Variants in EDARADD observed in about 807,000 individuals in gnomAD.
EDARADD encodes EDAR associated via death domain, also known as ectodysplasin-A receptor-associated adapter protein.
A neutral mutation model predicts 25.6 loss-of-function variants in EDARADD; 20 were observed. The observed-to-expected ratio is 0.78, with a 90% confidence interval of 0.55 to 1.14. The LOEUF (loss-of-function observed/expected upper bound fraction) is 1.14. Ranked by LOEUF, EDARADD falls within the 50% of genes most tolerant of loss-of-function variation. The pLI is 0.00. For synonymous variants in EDARADD, 86 were observed against 94.4 expected (o/e 0.91, Z 0.52); for missense variants, 225 against 270.1 (o/e 0.83, Z 1.17).
At chr1:236,443,754 TTTAGAATAGTACATAAAC>T (rs1426243277) in intron 4 of EDARADD, among the ~76,000 whole-genome samples, 7 of 152,134 alleles carry the variant, frequency 4.6e-5, no homozygotes, top group Non-Finnish European at 1.0e-4. Flanking sequence ...AGTACATAAA[TTTAGAATAGTACATAAAC>T]TTAGAATAGT....
At chr1:236,371,736 A>T (rs979206228) in intron 3 of EDARADD, among the ~76,000 whole-genome samples, 2 of 150,670 alleles carry the variant, frequency 1.3e-5, no homozygotes, top group Admixed American at 6.6e-5. Context: ...TGCCCAGCTA[A>T]TTTTTTTGTA....
intron 2 of EDARADD, among the ~76,000 whole-genome samples, chr1:236,413,546 GA>G (rs1657557393): frequency 6.6e-6 from 1 of 152,154 alleles, no homozygotes. Context: ...ACAGGGTTGG[GA>G]AATTAGGCTC....
rs555016161 is a variant in EDARADD at position 236,461,402 on chromosome 1, A to G, written c.220-6829A>G. On this transcript the variant is annotated intron_variant, in intron 4 of 5. Coordinates refer to ENST00000334232, the MANE Select transcript of EDARADD (RefSeq NM_145861.4). Reference sequence around the variant, plus strand: ...GTTTTCCCAGCACCATTTATTGAAGAGACTGTCTTTTTCACCAGTGTATGC... The same window carrying G: ...GTTTTCCCAGCACCATTTATTGAAGGGACTGTCTTTTTCACCAGTGTATGC... Among the ~76,000 whole-genome samples, 10 of 152,248 alleles carry G rather than the reference A, an allele frequency of 6.6e-5. No homozygotes were observed. In the South Asian group the frequency reaches 2.1e-3, roughly 32 times the overall value.
intron 4 of EDARADD, among the ~76,000 whole-genome samples, chr1:236,449,337 A>T (rs1658646953): frequency 6.6e-6 from 1 of 152,218 alleles, no homozygotes; most frequent in African/African-American, 2.4e-5. Flanking sequence ...TTTGCAGGGG[A>T]CACAATTCAG....
rs6676404 is a variant in EDARADD, at chr1:236,456,930, G to A, written c.220-11301G>A. ...CAATGGGACCTGCCTTGCCAAGCCCGGGGCTTAGGTGAACCAGGACCACCT... is the reference window on the plus strand; with the variant it reads ...CAATGGGACCTGCCTTGCCAAGCCCAGGGCTTAGGTGAACCAGGACCACCT... On this transcript the variant is annotated intron_variant, in intron 4 of 5. Coordinates refer to ENST00000334232, the MANE Select transcript of EDARADD (RefSeq NM_145861.4). Among the ~76,000 whole-genome samples the A allele has an allele frequency of 1.7e-4, 26 of 151,830 alleles. No individual in the cohort carries two copies. In the East Asian group the frequency reaches 2.1e-3, roughly 12 times the overall value.
At chr1:236,466,032 G>T (rs986618767) in intron 4 of EDARADD, among the ~76,000 whole-genome samples, 3 of 152,156 alleles carry the variant, frequency 2.0e-5, no homozygotes, top group Admixed American at 2.0e-4. Context: ...AAGTAACATA[G>T]TTTCTACTTA....
intron 2 of EDARADD, among the ~76,000 whole-genome samples, chr1:236,411,505 T>A (rs1657479783): frequency 7.0e-6 from 1 of 142,808 alleles, no homozygotes; most frequent in Non-Finnish European, 1.6e-5. Context: ...CTTCTCCTTC[T>A]CCCTCTCCTT....
At position 236,395,690 on chromosome 1, in the gene EDARADD, T is replaced by C; in HGVS notation, c.61+1185T>C. 6.4e-7 allele frequency: 1 copy of C among 1,550,956 alleles called. No homozygotes were observed. Among genetic ancestry groups the C allele is most frequent in the Non-Finnish European group, 8.7e-7 (1 of 1,152,876 alleles). Reference sequence around the variant, plus strand: ...AGGGACACAGCGCCGCGCCCGCTCCTGGAGCGAGCACCGCGGGGCGGGAGC... The same window carrying C: ...AGGGACACAGCGCCGCGCCCGCTCCCGGAGCGAGCACCGCGGGGCGGGAGC... On this transcript the variant is annotated intron_variant, in intron 1 of 5. Coordinates refer to ENST00000334232, the MANE Select transcript of EDARADD (RefSeq NM_145861.4). The surrounding 1 kb of genome is among the most constrained non-coding windows in gnomAD (Gnocchi z 6.9).
intron 4 of EDARADD, among the ~76,000 whole-genome samples, chr1:236,446,536 A>G (rs1056350200): frequency 7.1e-6 from 1 of 140,920 alleles, no homozygotes; most frequent in African/African-American, 2.7e-5. Flanking sequence ...TGGGTGACAG[A>G]GCAACACTCC....
Position 236,479,656 on chromosome 1 carries a change from A to G in EDARADD, c.266-2611A>G, listed in dbSNP as rs77512235. ...TCCATGCTCCCCATGCTCTCTTCCT[A>G]TTTTATTTTCCATGACTGCCTCGGT... On this transcript the variant is annotated intron_variant, in intron 5 of 5. Coordinates refer to ENST00000334232, the MANE Select transcript of EDARADD (RefSeq NM_145861.4). Among the ~76,000 whole-genome samples the G allele has an allele frequency of 5.6e-3, 854 of 151,518 alleles. 7 individuals carry two copies. Among genetic ancestry groups the G allele is most frequent in the Non-Finnish European group, 8.7e-3 (589 of 67,924 alleles).
Position 236,458,372 on chromosome 1 carries a change from T to C in EDARADD, c.220-9859T>C, listed in dbSNP as rs187724704. On this transcript the variant is annotated intron_variant, in intron 4 of 5. Coordinates refer to ENST00000334232, the MANE Select transcript of EDARADD (RefSeq NM_145861.4). Reference sequence around the variant, plus strand: ...CTGGCCTTAAAAAACTTATCTGATGTATTGTTAAACAGATAAAGCAAGTTG... The same window carrying C: ...CTGGCCTTAAAAAACTTATCTGATGCATTGTTAAACAGATAAAGCAAGTTG... Among the ~76,000 whole-genome samples the C allele has an allele frequency of 2.6e-5, 4 of 152,270 alleles. No individual in the cohort carries two copies. The East Asian group carries it at 7.7e-4, about 29-fold the overall frequency.
chr1:236,416,707 A>G (rs1657648286), intron 3 of EDARADD, among the ~76,000 whole-genome samples: 1 of 152,182 alleles, frequency 6.6e-6, no homozygotes, highest in Non-Finnish European at 1.5e-5. Flanking sequence ...TGAATACATC[A>G]TTTTATATGT....
At chr1:236,429,193 AGGGAGC>A (rs1553267463) in intron 4 of EDARADD, among the ~76,000 whole-genome samples, 28 of 143,640 alleles carry the variant, frequency 1.9e-4, no homozygotes, top group African/African-American at 5.5e-4. Flanking sequence ...GCAGAGGGAG[AGGGAGC>A]GGGAGCGGGA....
chr1:236,425,232 G>A (rs955257756), intron 3 of EDARADD, among the ~76,000 whole-genome samples: 3 of 152,342 alleles, frequency 2.0e-5, no homozygotes, highest in East Asian at 3.9e-4. Context: ...GCTCTGTGCC[G>A]AGAGAGCAGT....
intron 3 of EDARADD, among the ~76,000 whole-genome samples, chr1:236,357,608 G>T (rs1416318554): frequency 6.6e-6 from 1 of 152,130 alleles, no homozygotes; most frequent in Non-Finnish European, 1.5e-5. Context: ...GGTAGAAGGT[G>T]AAGCAGGAGA....
intron 3 of EDARADD, among the ~76,000 whole-genome samples, chr1:236,418,947 T>A (rs1296653056): frequency 1.3e-5 from 2 of 152,198 alleles, no homozygotes. Context: ...GGGAATCTTC[T>A]GTTACAGTAA....
chr1:236,378,977 G>A lies in EDARADD; in HGVS notation c.-6+28138G>A, dbSNP rs562206104. Among the ~76,000 whole-genome samples the A allele has an allele frequency of 2.5e-3, 373 of 152,020 alleles. 2 individuals are homozygous for A. Among genetic ancestry groups the A allele is most frequent in the South Asian group, 5.6e-3 (27 of 4,816 alleles). On this transcript the variant is annotated intron_variant, in intron 3 of 7. Coordinates refer to the EDARADD transcript ENST00000439430. ...ATGTGGAGAGGGGATGAGGAGAGAG[G>A]GATAAAAATTATTCTTTCCAGAGCT...
intron 4 of EDARADD, among the ~76,000 whole-genome samples, chr1:236,461,858 A>G (rs1193417564): frequency 2.0e-5 from 3 of 152,210 alleles, no homozygotes; most frequent in Admixed American, 6.5e-5. Context: ...AAGCATAGAC[A>G]TTTCAAGACC....
Position 236,429,490 on chromosome 1 carries a change from GC to G in EDARADD, c.219+2042del, listed in dbSNP as rs1168100440. 4.6e-5 allele frequency among the ~76,000 whole-genome samples: 7 copies of G among 151,762 alleles called. No individual in the cohort carries two copies. The East Asian group carries it at 1.4e-3, about 29-fold the overall frequency. ...CCTCCCAGGTTCACGCCATTCTCCT[GC>G]CTCAGTCTCCCGAGTAGCTGGGACT... On this transcript the variant is annotated intron_variant, in intron 4 of 5. Coordinates refer to ENST00000334232, the MANE Select transcript of EDARADD (RefSeq NM_145861.4).
Sources: gnomAD v4.1 joint callset for allele counts (sites outside exome capture counted in the v4.1 genomes callset) on GRCh38, gnomAD v4.1.1 for gene constraint, Gnocchi (gnomAD v3.1) non-coding constraint, MANE v1.5 for transcripts, NCBI Gene and HGNC (gene_info 2026-07-23, HGNC 2026-07-21) for gene names.